RABGAP1L: variants seen among roughly 807,000 people sequenced by gnomAD.
The protein encoded by RABGAP1L is RAB GTPase activating protein 1 like, also known as rab GTPase-activating protein 1-like.
RABGAP1L carries 63 observed loss-of-function variants against 137.7 expected under a neutral mutation model. That is an observed-to-expected ratio of 0.46 (90% CI 0.37 to 0.56). The LOEUF (loss-of-function observed/expected upper bound fraction) is 0.56. Among genes scored for constraint, RABGAP1L ranks in the 20% least tolerant of loss-of-function variants. The pLI, the probability that RABGAP1L is intolerant of heterozygous loss-of-function variation, is 0.00. For synonymous variants in RABGAP1L, 431 were observed against 433.7 expected (o/e 0.99, Z 0.08); for missense variants, 1,095 against 1,244.0 (o/e 0.88, Z 1.80).
At chr1:174,638,301 G>A (rs966793917) in intron 14 of RABGAP1L, among the ~76,000 whole-genome samples, 2 of 152,204 alleles carry the variant, frequency 1.3e-5, no homozygotes, top group Non-Finnish European at 2.9e-5. Flanking sequence ...ATTAGCCAGT[G>A]TGGAATTAAG....
At chr1:174,818,982 A>T (rs1690721304) in intron 19 of RABGAP1L, among the ~76,000 whole-genome samples, 1 of 151,906 alleles carries the variant, frequency 6.6e-6, no homozygotes, top group African/African-American at 2.4e-5. Flanking sequence ...ATGCCACTGC[A>T]CTCCAGCCTG....
chr1:174,660,620 C>G (rs1676305443), intron 14 of RABGAP1L, among the ~76,000 whole-genome samples: 1 of 152,178 alleles, frequency 6.6e-6, no homozygotes, highest in Non-Finnish European at 1.5e-5. Flanking sequence ...GCTGTAAACT[C>G]CACATATGAC....
intron 10 of RABGAP1L, among the ~76,000 whole-genome samples, chr1:174,291,560 T>C (rs1676608657): frequency 6.6e-6 from 1 of 152,152 alleles, no homozygotes; most frequent in African/African-American, 2.4e-5. Flanking sequence ...TTGGATAGAG[T>C]TCACCAGTGA....
Position 174,324,803 on chromosome 1 carries a change from C to T in RABGAP1L, c.1465+19676C>T, listed in dbSNP as rs931631657. ...AGATTGTCAAAGAAGAAGTGATATTCGGTGTTGTCAAATAAACAAGGAGGT... is the reference window on the plus strand; with the variant it reads ...AGATTGTCAAAGAAGAAGTGATATTTGGTGTTGTCAAATAAACAAGGAGGT... On this transcript the variant is annotated intron_variant, in intron 11 of 25. Transcript: ENST00000681986. 5.9e-5 allele frequency among the ~76,000 whole-genome samples: 9 copies of T among 152,040 alleles called. No individual in the cohort carries two copies. In the East Asian group the frequency reaches 7.7e-4, roughly 13 times the overall value.
At chr1:174,176,713 G>GAAAAAAAAAAAAAAAAA (rs71563251) in intron 1 of RABGAP1L, among the ~76,000 whole-genome samples, 3 of 21,550 alleles carry the variant, frequency 1.4e-4, no homozygotes, top group African/African-American at 2.9e-4. Context: ...CCCTTTTTCA[G>GAAAAAAAAAAAAAAAAA]AAAAAAAAAA....
intron 17 of RABGAP1L, among the ~76,000 whole-genome samples, chr1:174,726,233 T>C (rs933858886): frequency 6.6e-6 from 1 of 152,104 alleles, no homozygotes; most frequent in Non-Finnish European, 1.5e-5. Flanking sequence ...GTTGGAGTTT[T>C]CATATTGTGA....
chr1:174,633,471 T>C (rs1572613291), intron 13 of RABGAP1L, among the ~76,000 whole-genome samples: 2 of 151,618 alleles, frequency 1.3e-5, no homozygotes, highest in Non-Finnish European at 1.5e-5. Context: ...AGGTAATTTA[T>C]AGATTCAGTG....
rs1189856008 is a variant in RABGAP1L at position 174,653,670 on chromosome 1, T to C, written c.1824+16182T>C. 2.0e-5 allele frequency among the ~76,000 whole-genome samples: 3 copies of C among 152,378 alleles called. No individual in the cohort carries two copies. In the East Asian group the frequency reaches 5.8e-4, roughly 29 times the overall value. On this transcript the variant is annotated intron_variant, in intron 14 of 25. Coordinates refer to ENST00000681986, the MANE Select transcript of RABGAP1L (RefSeq NM_001366446.1). ...CGCAGAAATCACCCGCCTTCTGCGTTGATCTAGCTGGGAGCTGCAGACTGG... is the reference window on the plus strand; with the variant it reads ...CGCAGAAATCACCCGCCTTCTGCGTCGATCTAGCTGGGAGCTGCAGACTGG...
intron 13 of RABGAP1L, among the ~76,000 whole-genome samples, chr1:174,584,204 A>G (rs1422524167): frequency 1.3e-5 from 2 of 152,190 alleles, no homozygotes; most frequent in Non-Finnish European, 2.9e-5. Flanking sequence ...GATCACTGCC[A>G]TCTCAATACA....
chr1:174,297,384 A>G (rs1677219049), intron 10 of RABGAP1L, among the ~76,000 whole-genome samples: 1 of 152,162 alleles, frequency 6.6e-6, no homozygotes, highest in Non-Finnish European at 1.5e-5. Context: ...GCTAGGCCAG[A>G]GTGCTAGAGC....
chr1:174,348,238 A>G (rs1280892331), intron 11 of RABGAP1L, among the ~76,000 whole-genome samples: 2 of 150,460 alleles, frequency 1.3e-5, no homozygotes, highest in African/African-American at 4.9e-5. Context: ...AACTGATGAC[A>G]GCTTAACACT....
In RABGAP1L at chr1:174,962,197, C is replaced by G. The variant is rs1387065096; in HGVS notation, c.2433+4648C>G. Among the ~76,000 whole-genome samples, 15 of 45,308 alleles carry G rather than the reference C, an allele frequency of 3.3e-4. 2 individuals carry two copies. Among genetic ancestry groups the G allele is most frequent in the South Asian group, 3.2e-3 (3 of 928 alleles). The allele number at this position is 45,308 out of a possible 152,430, so 29.7% of individuals were successfully genotyped here. On this transcript the variant is annotated intron_variant, in intron 20 of 25. Transcript: ENST00000681986. ...CTCAAAAAATAAAAATAAAAATACACCCCCCCCCCACACACACACACAGCT... is the reference window on the plus strand; with the variant it reads ...CTCAAAAAATAAAAATAAAAATACAGCCCCCCCCCACACACACACACAGCT...
At chr1:174,364,546 G>T (rs891293986) in intron 11 of RABGAP1L, among the ~76,000 whole-genome samples, 1 of 151,996 alleles carries the variant, frequency 6.6e-6, no homozygotes, top group Admixed American at 6.6e-5. Context: ...GAGCCACCGC[G>T]CCCGGCCTGG....
chr1:174,869,557 C>G (rs1357857174), intron 19 of RABGAP1L, among the ~76,000 whole-genome samples: 1 of 152,104 alleles, frequency 6.6e-6, no homozygotes, highest in African/African-American at 2.4e-5. Flanking sequence ...TATGAATTAC[C>G]CAGTCTTGGG....
chr1:174,705,966 G>A (rs1680012579), intron 17 of RABGAP1L, among the ~76,000 whole-genome samples: 1 of 152,070 alleles, frequency 6.6e-6, no homozygotes, highest in African/African-American at 2.4e-5. Context: ...AAAATGGAAG[G>A]ATAGGAAGCT....
At chr1:174,322,077 T>C (rs1041013203) in intron 11 of RABGAP1L, among the ~76,000 whole-genome samples, 6 of 152,168 alleles carry the variant, frequency 3.9e-5, no homozygotes, top group African/African-American at 1.4e-4. Context: ...GAGTAAAAGT[T>C]TAATTTTATG....
chr1:174,358,120 TCTC>T (rs1446297599), intron 11 of RABGAP1L, among the ~76,000 whole-genome samples: 1 of 151,918 alleles, frequency 6.6e-6, no homozygotes, highest in Non-Finnish European at 1.5e-5. Flanking sequence ...CGAACAAAAT[TCTC>T]TAAAAAGGAA....
At chr1:174,861,457 A>G (rs1007295859) in intron 19 of RABGAP1L, among the ~76,000 whole-genome samples, 2 of 152,126 alleles carry the variant, frequency 1.3e-5, no homozygotes, top group Non-Finnish European at 2.9e-5. Context: ...TGCTGATTTC[A>G]TTACCTTTGG....
intron 18 of RABGAP1L, among the ~76,000 whole-genome samples, chr1:174,753,996 C>T (rs1316281553): frequency 3.9e-5 from 6 of 152,156 alleles, no homozygotes; most frequent in Non-Finnish European, 8.8e-5. Context: ...CCTGTGTCAA[C>T]TTAATACTAT....
Sources: gnomAD v4.1 joint callset for allele counts (sites outside exome capture counted in the v4.1 genomes callset) on GRCh38, gnomAD v4.1.1 for gene constraint, MANE v1.5 for transcripts, NCBI Gene and HGNC (gene_info 2026-07-23, HGNC 2026-07-21) for gene names.